CNTN5: variants seen among roughly 807,000 people sequenced by gnomAD.
CNTN5 encodes the protein contactin-5.
CNTN5 carries 77 observed loss-of-function variants against 129.1 expected under a neutral mutation model. The ratio of observed to expected loss-of-function variants is 0.60; its 90% CI spans 0.50 to 0.72. The LOEUF is 0.72. Among genes scored for constraint, CNTN5 ranks in the 30% least tolerant of loss-of-function variants. The pLI, the probability that CNTN5 is intolerant of heterozygous loss-of-function variation, is 0.00. For synonymous variants in CNTN5, 509 were observed against 465.6 expected (o/e 1.09, Z -1.20); for missense variants, 1,478 against 1,328.8 (o/e 1.11, Z -1.75).
intron 13 of CNTN5, among the ~76,000 whole-genome samples, chr11:100,155,270 C>T (rs183691162): frequency 6.6e-6 from 1 of 151,992 alleles, no homozygotes; most frequent in East Asian, 1.9e-4. Flanking sequence ...CTATTTATTA[C>T]ATATTGATTC....
chr11:100,200,998 T>C (rs988540724), intron 15 of CNTN5, among the ~76,000 whole-genome samples: 7 of 151,966 alleles, frequency 4.6e-5, no homozygotes, highest in Admixed American at 3.9e-4. Context: ...GAGTTGATTG[T>C]TTTTAATCCA....
intron 9 of CNTN5, among the ~76,000 whole-genome samples, chr11:100,035,929 C>G (rs1477675965): frequency 1.3e-5 from 2 of 152,132 alleles, no homozygotes; most frequent in East Asian, 1.9e-4. Flanking sequence ...CCTGTTCACT[C>G]TGATGGTAGT....
chr11:100,070,989 GT>G (rs138334316), intron 11 of CNTN5, among the ~76,000 whole-genome samples: 8 of 147,244 alleles, frequency 5.4e-5, no homozygotes, highest in Admixed American at 2.0e-4. Flanking sequence ...CCAACTAAGA[GT>G]TTTTTTTTTA....
chr11:99,757,232 G>A (rs1358539311), intron 3 of CNTN5, among the ~76,000 whole-genome samples: 1 of 151,906 alleles, frequency 6.6e-6, no homozygotes, highest in Admixed American at 6.6e-5. Context: ...ATTTTCACAT[G>A]GGGCTCTTTC....
chr11:100,150,043 G>GAGAGAAA (rs1390823517), intron 13 of CNTN5, among the ~76,000 whole-genome samples: 1 of 152,056 alleles, frequency 6.6e-6, no homozygotes, highest in Non-Finnish European at 1.5e-5. Context: ...ACTTGGTGTG[G>GAGAGAAA]AGAGAAAACA....
chr11:99,847,300 C>T (rs1404041236), intron 6 of CNTN5, among the ~76,000 whole-genome samples: 1 of 152,220 alleles, frequency 6.6e-6, no homozygotes, highest in Non-Finnish European at 1.5e-5. Flanking sequence ...TTGTCAAATA[C>T]ACTCATCTGA....
intron 2 of CNTN5, among the ~76,000 whole-genome samples, chr11:99,507,174 G>C (rs1344266103): frequency 6.6e-6 from 1 of 151,794 alleles, no homozygotes; most frequent in Non-Finnish European, 1.5e-5. Flanking sequence ...TCAAGAGCTC[G>C]AGACCATCCT....
chr11:99,563,172 G>A (rs1006498228), intron 3 of CNTN5, among the ~76,000 whole-genome samples: 2 of 152,154 alleles, frequency 1.3e-5, no homozygotes, highest in Non-Finnish European at 2.9e-5. Flanking sequence ...GTCAGCAGTG[G>A]CAATGCATTA....
At chr11:99,584,220 A>T (rs1949715336) in intron 3 of CNTN5, among the ~76,000 whole-genome samples, 1 of 152,206 alleles carries the variant, frequency 6.6e-6, no homozygotes, top group South Asian at 2.1e-4. Context: ...CAAAGTATAT[A>T]GTACATTACC....
At chr11:100,285,953 G>C (rs1468066090) in intron 18 of CNTN5, among the ~76,000 whole-genome samples, 1 of 152,246 alleles carries the variant, frequency 6.6e-6, no homozygotes, top group East Asian at 1.9e-4. Flanking sequence ...GGAAGCGCAA[G>C]GGGTCAGGGA....
intron 2 of CNTN5, among the ~76,000 whole-genome samples, chr11:99,403,597 A>C (rs1437937986): frequency 6.6e-6 from 1 of 151,926 alleles, no homozygotes; most frequent in African/African-American, 2.4e-5. Flanking sequence ...TTTTCTCCTT[A>C]ATTTCTTTAT....
intron 3 of CNTN5, among the ~76,000 whole-genome samples, chr11:99,559,876 T>TTACC (rs1433060761): frequency 6.6e-6 from 1 of 152,110 alleles, no homozygotes; most frequent in East Asian, 1.9e-4. Flanking sequence ...AAAGAATGAA[T>TTACC]TACCAATACC....
At chr11:99,316,428 A>C (rs1865344494) in intron 1 of CNTN5, among the ~76,000 whole-genome samples, 1 of 152,196 alleles carries the variant, frequency 6.6e-6, no homozygotes, top group African/African-American at 2.4e-5. Flanking sequence ...GAATTTCTTA[A>C]AATCTGAGAA....
intron 17 of CNTN5, among the ~76,000 whole-genome samples, chr11:100,265,179 C>T (rs529875256): frequency 9.9e-5 from 15 of 152,020 alleles, no homozygotes; most frequent in African/African-American, 3.1e-4. Flanking sequence ...CTTCAGAAAA[C>T]GATTTCTGCA....
chr11:100,143,271 A>C (rs1054944958), intron 13 of CNTN5, among the ~76,000 whole-genome samples: 9 of 152,130 alleles, frequency 5.9e-5, no homozygotes, highest in African/African-American at 2.2e-4. Context: ...ATAAGGAAAC[A>C]TTACTTTCCT....
At chr11:99,696,310 TTTAAA>T (rs1454131542) in intron 3 of CNTN5, among the ~76,000 whole-genome samples, 1 of 152,154 alleles carries the variant, frequency 6.6e-6, no homozygotes, top group African/African-American at 2.4e-5. Flanking sequence ...ATCATGAACA[TTTAAA>T]TTAAGTTTTT....
chr11:99,969,943 A>G (rs915727331), intron 8 of CNTN5, among the ~76,000 whole-genome samples: 5 of 152,244 alleles, frequency 3.3e-5, no homozygotes, highest in Middle Eastern at 3.4e-3. Flanking sequence ...GAATACTTCT[A>G]TCTCTGTTTT....
intron 1 of CNTN5, among the ~76,000 whole-genome samples, chr11:99,032,346 AC>A (rs1863436698): frequency 6.6e-6 from 1 of 151,010 alleles, no homozygotes; most frequent in Non-Finnish European, 1.5e-5. Flanking sequence ...CGCCACACTG[AC>A]TTCCACAATG....
At chr11:99,955,179 A>C (rs892420261) in intron 7 of CNTN5, among the ~76,000 whole-genome samples, 1 of 149,102 alleles carries the variant, frequency 6.7e-6, no homozygotes, top group Non-Finnish European at 1.5e-5. Context: ...AATATATATT[A>C]AAAAATATAT....
Sources: allele counts gnomAD v4.1 joint callset (sites outside exome capture counted in the v4.1 genomes callset), GRCh38; gene constraint gnomAD v4.1.1; transcripts MANE v1.5; gene names NCBI Gene and HGNC (gene_info 2026-07-23, HGNC 2026-07-21).